RUVBL1: variants seen among roughly 807,000 people sequenced by gnomAD.
The protein encoded by RUVBL1 is RuvB like AAA ATPase 1, also known as ruvB-like 1.
RUVBL1 carries 4 observed loss-of-function variants against 52.4 expected under a neutral mutation model. The observed-to-expected ratio is 0.08, with a 90% CI of 0.04 to 0.17. The LOEUF (loss-of-function observed/expected upper bound fraction) is 0.17, where lower values mean the gene tolerates loss of function less well. RUVBL1 is among the 10% of genes least tolerant of loss of function. The probability of loss-of-function intolerance (pLI) is 1.00; values close to 1 mark genes in which losing one functional copy is unlikely to be tolerated. For synonymous variants in RUVBL1, 217 were observed against 214.4 expected, an observed-to-expected ratio of 1.01 and a Z score of -0.10; for missense variants, 298 against 572.8, an observed-to-expected ratio of 0.52 and a Z score of 4.90.
chr3:128,097,218 TG>T, intron 8 of RUVBL1, 81 bp downstream of exon 8: 1 of 1,339,718 alleles, frequency 7.5e-7, no homozygotes, highest in Middle Eastern at 2.3e-4. Flanking sequence ...TCCCACCTCA[TG>T]GGGTTTGGAG....
At chr3:128,119,467 G>A (rs951938134) in intron 1 of RUVBL1, 53 bp from the exon 2 acceptor site, 12 of 1,479,912 alleles carry the variant, frequency 8.1e-6, no homozygotes, top group Non-Finnish European at 9.3e-6. Flanking sequence ...TGTTTCACAA[G>A]GGGAAAAATC....
upstream of RUVBL1, among the ~76,000 whole-genome samples, chr3:128,124,254 A>C (rs1576480244): frequency 6.6e-6 from 1 of 152,048 alleles, no homozygotes; most frequent in Non-Finnish European, 1.5e-5. Context: ...GCCCAGCTCA[A>C]CCCACCACCG....
chr3:128,116,377 C>T (rs1208951581), intron 2 of RUVBL1, among the ~76,000 whole-genome samples: 1 of 151,706 alleles, frequency 6.6e-6, no homozygotes, highest in Non-Finnish European at 1.5e-5. Flanking sequence ...CCCATCTCCA[C>T]TAAAAATACA....
Position 128,067,128 on chromosome 3 carries a change from G to A in RUVBL1, c.940-1908C>T. On this transcript the variant is annotated intron_variant, in intron 9 of 9. Coordinates refer to the RUVBL1 transcript ENST00000464873. The surrounding 1 kb of genome is among the most constrained non-coding windows in gnomAD (Gnocchi z 4.1). The stretch of plus-strand genomic sequence containing the variant: ...AGCTCGCTTCAGTGGCAACTTGCTG[G>A]TCAGCCTGCTGGGCACCTGGTCGGT... The A allele has an allele frequency of 6.2e-7, 1 of 1,614,198 alleles. No individual in the cohort carries two copies. The highest frequency in any genetic ancestry group is 8.5e-7 in the Non-Finnish European group (1 of 1,180,042).
chr3:128,111,102 G>A (rs1214030149), intron 3 of RUVBL1, among the ~76,000 whole-genome samples: 7 of 151,534 alleles, frequency 4.6e-5, no homozygotes, highest in Admixed American at 2.6e-4. Context: ...ATGCATGCCT[G>A]TAATTCCAGC....
intron 1 of RUVBL1, among the ~76,000 whole-genome samples, chr3:128,135,334 A>G (rs897665607): frequency 1.2e-4 from 19 of 152,172 alleles, no homozygotes; most frequent in African/African-American, 4.6e-4. Flanking sequence ...GGAGTTCGAG[A>G]CCAGCCTGGC....
intron 4 of RUVBL1, among the ~76,000 whole-genome samples, chr3:128,103,503 A>G (rs945984492): frequency 4.6e-5 from 7 of 152,238 alleles, no homozygotes; most frequent in African/African-American, 1.7e-4. Flanking sequence ...GTGACCAAGA[A>G]ACAACCTCAG....
intron 1 of RUVBL1, among the ~76,000 whole-genome samples, chr3:128,142,407 G>A (rs924941382): frequency 2.6e-5 from 4 of 152,214 alleles, no homozygotes; most frequent in Non-Finnish European, 5.9e-5. Flanking sequence ...ACCTTGCAGA[G>A]CTCTGATGAG....
At chr3:128,076,719 G>A (rs1345718278), downstream of RUVBL1, among the ~76,000 whole-genome samples, 6 of 151,824 alleles carry the variant, frequency 4.0e-5, no homozygotes, top group Admixed American at 1.3e-4. The surrounding 1 kb of genome is among the most constrained non-coding windows in gnomAD (Gnocchi z 6.8). Flanking sequence ...ACACGCGCGC[G>A]CGCAGCCCCG....
chr3:128,151,139 ATTCTATATATT>A (rs1944203509), intron 1 of RUVBL1, among the ~76,000 whole-genome samples: 1 of 124,582 alleles, frequency 8.0e-6, no homozygotes, highest in African/African-American at 3.1e-5. Context: ...TTCTATATAT[ATTCTATATATT>A]CTATATATAT....
downstream of RUVBL1, among the ~76,000 whole-genome samples, chr3:128,077,369 A>C (rs796804804): frequency 8.6e-5 from 13 of 151,550 alleles, no homozygotes; most frequent in African/African-American, 3.1e-4. Flanking sequence ...TGCTCTCCCC[A>C]GAACAAATGG....
At chr3:128,138,896 C>G (rs1303412948) in intron 1 of RUVBL1, among the ~76,000 whole-genome samples, 2 of 152,006 alleles carry the variant, frequency 1.3e-5, no homozygotes, top group Non-Finnish European at 2.9e-5. Flanking sequence ...AACCCAGAAA[C>G]AAATCCATAC....
At chr3:128,153,630 G>A (rs1944297184) in exon 1 of RUVBL1, 1 of 1,597,876 alleles carries the variant, frequency 6.3e-7, no homozygotes, top group African/African-American at 1.4e-5. Flanking sequence ...AGCAGCCGCA[G>A]AGCCGCGAGC....
intron 1 of RUVBL1, among the ~76,000 whole-genome samples, chr3:128,145,550 G>C (rs1377380246): frequency 6.6e-6 from 1 of 152,200 alleles, no homozygotes; most frequent in African/African-American, 2.4e-5. Context: ...CCGCGGGCGA[G>C]TGTTGGGGTG....
downstream of RUVBL1, chr3:128,076,223 G>A (rs189700444): frequency 2.0e-5 from 3 of 152,470 alleles, no homozygotes; most frequent in African/African-American, 4.8e-5. This position sits in a 1 kb window ranked among gnomAD's most constrained non-coding sequence, Gnocchi z 6.8. Flanking sequence ...CGCGGAGGAG[G>A]GGGGTGGGAA....
At chr3:128,095,264 G>A (rs923313432) in intron 8 of RUVBL1, among the ~76,000 whole-genome samples, 2 of 152,236 alleles carry the variant, frequency 1.3e-5, no homozygotes, top group African/African-American at 2.4e-5. Context: ...GGTATGGGCT[G>A]GGCTGGGTTC....
intron 8 of RUVBL1, among the ~76,000 whole-genome samples, 186 bp downstream of exon 8, chr3:128,097,114 C>G (rs1309937241): frequency 6.6e-6 from 1 of 152,202 alleles, no homozygotes; most frequent in Non-Finnish European, 1.5e-5. Flanking sequence ...AGTGACAGGA[C>G]AGCTGCTGCC....
intron 2 of RUVBL1, among the ~76,000 whole-genome samples, chr3:128,115,882 T>C (rs1015778225): frequency 2.6e-5 from 4 of 152,028 alleles, no homozygotes; most frequent in Admixed American, 2.0e-4. Context: ...TCCCAGCACT[T>C]TGGGAGGCCG....
upstream of RUVBL1, among the ~76,000 whole-genome samples, chr3:128,125,459 T>C (rs1194991919): frequency 6.6e-6 from 1 of 152,212 alleles, no homozygotes; most frequent in Non-Finnish European, 1.5e-5. Flanking sequence ...GCAGGCCTTT[T>C]GAGGGTGTAG....
Sources: gnomAD v4.1 joint callset for allele counts (sites outside exome capture counted in the v4.1 genomes callset) on GRCh38, gnomAD v4.1.1 for gene constraint, Gnocchi (gnomAD v3.1) non-coding constraint, MANE v1.5 for transcripts, NCBI Gene and HGNC (gene_info 2026-07-23, HGNC 2026-07-21) for gene names.